RPF2: variants seen among roughly 807,000 people sequenced by gnomAD.
RPF2 encodes ribosome production factor 2 homolog, also known as brix domain containing 1.
A neutral mutation model predicts 38.9 loss-of-function variants in RPF2; 21 were observed. The ratio of observed to expected loss-of-function variants is 0.54; its 90% confidence interval spans 0.38 to 0.78. RPF2 has a LOEUF of 0.78. Ranked by LOEUF, RPF2 falls within the 30% of genes least tolerant of loss-of-function variation. The probability of loss-of-function intolerance (pLI) is 0.00; values close to 1 mark genes in which losing one functional copy is unlikely to be tolerated. For missense variants in RPF2, 314 were observed against 358.1 expected (o/e 0.88, Z 0.99); for synonymous variants, 121 against 126.2 (o/e 0.96, Z 0.28).
chr6:111,015,723 G>C, intron 7 of RPF2, 31 bp from the exon 8 acceptor site: 1 of 1,440,666 alleles, frequency 6.9e-7, no homozygotes, highest in Non-Finnish European at 9.7e-7. Flanking sequence ...TATTTGTTTT[G>C]TTTTGTTAAT....
intron 4 of RPF2, among the ~76,000 whole-genome samples, chr6:110,993,424 G>A (rs373269652): frequency 6.6e-6 from 1 of 152,068 alleles, no homozygotes; most frequent in East Asian, 1.9e-4. Flanking sequence ...TTGATAAAAT[G>A]CATTTTACTC....
chr6:110,984,482 T>A (rs11153268), intron 1 of RPF2, among the ~76,000 whole-genome samples: 38,143 of 152,050 alleles, frequency 0.25, 5,466 homozygotes, highest in East Asian at 0.65. Context: ...AGCTTTTTTT[T>A]AAAAGCTATC....
Position 111,025,587 on chromosome 6 carries a change from A to T in RPF2, c.*5A>T, listed in dbSNP as rs747316349. On this transcript the variant is annotated 3_prime_UTR_variant, in exon 10 of 10. Transcript: ENST00000441448. ...AAAAGAATTAAAAAAAATTGATGGA[A>T]CTTAGCCAGCCACTACTGTTTCATT... 1.3e-6 allele frequency: 2 copies of T among 1,595,804 alleles called. No individual in the cohort carries two copies. The highest frequency in any genetic ancestry group is 1.7e-5 in the Admixed American group (1 of 57,196).
At chr6:111,008,995 G>A (rs1771966633) in intron 7 of RPF2, among the ~76,000 whole-genome samples, 1 of 149,814 alleles carries the variant, frequency 6.7e-6, no homozygotes, top group Non-Finnish European at 1.5e-5. Flanking sequence ...CACCTCCCGG[G>A]TTCAAGCGAT....
At chr6:111,015,929 G>C in intron 8 of RPF2, 73 bp downstream of exon 8, 1 of 1,138,188 alleles carries the variant, frequency 8.8e-7, no homozygotes, top group Non-Finnish European at 1.3e-6. Flanking sequence ...GTTTTTTAGA[G>C]CCCAAACTTA....
chr6:110,982,137 C>T lies in RPF2; in HGVS notation c.23+8C>T, dbSNP rs1289458799. ...CACTCTGGATCGAGTAGTGTAAGTG[C>T]GCTGGGTCTCAGCCCCGGGGAGCGT... On this transcript the variant is annotated splice_region_variant and intron_variant, in intron 1 of 9. Coordinates refer to ENST00000441448, the MANE Select transcript of RPF2 (RefSeq NM_032194.3). 2.5e-6 allele frequency: 4 copies of T among 1,614,088 alleles called. No individual in the cohort carries two copies. The highest frequency in any genetic ancestry group is 3.4e-6 in the Non-Finnish European group (4 of 1,179,942).
At chr6:111,016,685 TTC>T (rs765685019) in intron 8 of RPF2, among the ~76,000 whole-genome samples, 6,758 of 119,572 alleles carry the variant, frequency 0.057, 583 homozygotes, top group East Asian at 0.44. Context: ...TTTTTTTTCT[TTC>T]TTTTTTTTTT....
chr6:111,027,059 A>T lies in RPF2; in HGVS notation c.*1477A>T, dbSNP rs892302614. ...CGCCTGGCTGATTTTTTGTAGAGACAGGGTTTCACTTCAATTCCATGTTAG... is the reference window on the plus strand; with the variant it reads ...CGCCTGGCTGATTTTTTGTAGAGACTGGGTTTCACTTCAATTCCATGTTAG... On this transcript the variant is annotated 3_prime_UTR_variant, in exon 10 of 10. Transcript: ENST00000441448. The T allele has an allele frequency of 1.3e-5, 2 of 152,170 alleles. No homozygotes were observed. Among genetic ancestry groups the T allele is most frequent in the African/African-American group, 2.4e-5 (1 of 41,424 alleles). The allele number at this position is 152,170 out of a possible 1,614,324, so 9.4% of individuals were successfully genotyped here. A position where few individuals can be genotyped will look rare whatever the true frequency, so the allele number is the denominator to read the frequency against.
chr6:111,014,206 G>A lies in RPF2; in HGVS notation c.494-1548G>A, dbSNP rs60622442. On this transcript the variant is annotated intron_variant, in intron 7 of 9. Transcript: ENST00000441448. ...GGCTGGAGTACAGTGGCGCAATCTC[G>A]GCTCACTGCAATCTCCGCCTCCCAG... 3.2e-3 allele frequency among the ~76,000 whole-genome samples: 478 copies of A among 150,644 alleles called. 2 individuals carry two copies. The highest frequency in any genetic ancestry group is 0.011 in the African/African-American group (441 of 40,936).
In RPF2 at chr6:110,982,078, C is replaced by A; in HGVS notation, c.-29C>A. The A allele has an allele frequency of 6.2e-7, 1 of 1,614,052 alleles. No individual in the cohort carries two copies. The highest frequency in any genetic ancestry group is 1.1e-5 in the South Asian group (1 of 91,088). Reference sequence around the variant, plus strand: ...ATCGCCGAGGGCACGTGCATGCCCCCTGGTTAAGAGTTGCAGGTAGCGGTA... The same window carrying A: ...ATCGCCGAGGGCACGTGCATGCCCCATGGTTAAGAGTTGCAGGTAGCGGTA... On this transcript the variant is annotated 5_prime_UTR_variant, in exon 1 of 10. It adds an upstream start codon to the 5' untranslated region. Coordinates refer to ENST00000441448, the MANE Select transcript of RPF2 (RefSeq NM_032194.3).
At chr6:110,997,091 G>A (rs3763194) in intron 4 of RPF2, 92 bp from the exon 5 acceptor site, 64,313 of 782,670 alleles carry the variant, frequency 0.082, 2,991 homozygotes, top group Middle Eastern at 0.13. Context: ...GTGAGCCACC[G>A]TGCCTGGCCT....
chr6:110,982,078 C>G lies in RPF2; in HGVS notation c.-29C>G, dbSNP rs1554246719. ...ATCGCCGAGGGCACGTGCATGCCCC[C>G]TGGTTAAGAGTTGCAGGTAGCGGTA... is the stretch of plus-strand genomic sequence containing the variant. On this transcript the variant is annotated 5_prime_UTR_variant, in exon 1 of 10. Coordinates refer to ENST00000441448, the MANE Select transcript of RPF2 (RefSeq NM_032194.3). The G allele has an allele frequency of 6.2e-7, 1 of 1,614,052 alleles. No individual in the cohort carries two copies.
chr6:110,999,878 T>C, intron 6 of RPF2, 91 bp downstream of exon 6: 1 of 688,658 alleles, frequency 1.5e-6, no homozygotes, highest in Non-Finnish European at 2.6e-6. Flanking sequence ...TAGAGTTTTG[T>C]AGATCAAGAA....
chr6:111,000,471 G>A (rs923732463), intron 6 of RPF2, among the ~76,000 whole-genome samples: 3 of 152,174 alleles, frequency 2.0e-5, no homozygotes, highest in African/African-American at 7.2e-5. Context: ...ATTGAACCCA[G>A]GAAGCTCTGG....
intron 4 of RPF2, among the ~76,000 whole-genome samples, chr6:110,996,284 T>A (rs1771710034): frequency 6.6e-6 from 1 of 152,130 alleles, no homozygotes; most frequent in African/African-American, 2.4e-5. Flanking sequence ...GTTCAAGGAA[T>A]TCTCCTGTCT....
chr6:110,988,004 A>C (rs1451692067), intron 2 of RPF2, among the ~76,000 whole-genome samples: 3 of 152,066 alleles, frequency 2.0e-5, no homozygotes, highest in Admixed American at 2.0e-4. Flanking sequence ...AAATTTAAAA[A>C]AATAATAAAA....
At chr6:110,998,518 A>C (rs1025575311) in intron 5 of RPF2, among the ~76,000 whole-genome samples, 1 of 152,124 alleles carries the variant, frequency 6.6e-6, no homozygotes, top group African/African-American at 2.4e-5. Context: ...CTGATCTAAA[A>C]ATTTTTTATT....
At chr6:110,991,851 T>A in intron 4 of RPF2, 65 bp downstream of exon 4, 1 of 584,346 alleles carries the variant, frequency 1.7e-6, no homozygotes, top group Non-Finnish European at 2.8e-6. Flanking sequence ...ACTAATTCAT[T>A]TGTACTCCAA....
intron 4 of RPF2, among the ~76,000 whole-genome samples, chr6:110,992,802 C>T (rs913803132): frequency 2.0e-5 from 3 of 152,114 alleles, no homozygotes; most frequent in African/African-American, 7.2e-5. Flanking sequence ...AGGGGCCAGA[C>T]ACAGTAGCTC....
Sources: allele counts gnomAD v4.1 joint callset (sites outside exome capture counted in the v4.1 genomes callset), GRCh38; gene constraint gnomAD v4.1.1; transcripts MANE v1.5; gene names NCBI Gene and HGNC (gene_info 2026-07-23, HGNC 2026-07-21).